Variants in XIRP2 observed in about 807,000 individuals in gnomAD.
XIRP2 encodes xin actin-binding repeat-containing protein 2.
A neutral mutation model predicts 277.0 loss-of-function variants in XIRP2; 236 were observed. The observed-to-expected ratio is 0.85, with a 90% CI of 0.77 to 0.95. XIRP2 has a LOEUF of 0.95. Ranked by LOEUF, XIRP2 falls within the 40% of genes least tolerant of loss-of-function variation. The probability of loss-of-function intolerance (pLI) is 0.00; values close to 1 mark genes in which losing one functional copy is unlikely to be tolerated. For synonymous variants in XIRP2, 1,490 were observed against 1,416.5 expected, an observed-to-expected ratio of 1.05 and a Z score of -1.17; for missense variants, 4,640 against 4,157.5, an observed-to-expected ratio of 1.12 and a Z score of -3.19.
intron 2 of XIRP2, among the ~76,000 whole-genome samples, chr2:167,086,233 T>G (rs1198757715): frequency 3.3e-5 from 5 of 152,182 alleles, no homozygotes; most frequent in African/African-American, 1.2e-4. Flanking sequence ...AAATTCTGGG[T>G]TGAAAATTCT....
chr2:166,894,592 C>G (rs1008804375), intron 1 of XIRP2, among the ~76,000 whole-genome samples: 4 of 152,050 alleles, frequency 2.6e-5, no homozygotes, highest in African/African-American at 9.7e-5. Context: ...AGTATTAATT[C>G]TAGTATGAGA....
intron 3 of XIRP2, among the ~76,000 whole-genome samples, chr2:167,145,590 T>A (rs893108551): frequency 2.0e-5 from 3 of 152,184 alleles, no homozygotes; most frequent in Non-Finnish European, 2.9e-5. Context: ...GAAAAGAGCA[T>A]GTTTCCAAAA....
intron 2 of XIRP2, among the ~76,000 whole-genome samples, chr2:167,123,644 C>T (rs1256458025): frequency 6.6e-6 from 1 of 152,134 alleles, no homozygotes; most frequent in African/African-American, 2.4e-5. Flanking sequence ...TGGCCTCCCT[C>T]TTGCTGCCTC....
intron 2 of XIRP2, among the ~76,000 whole-genome samples, chr2:167,096,416 G>C (rs1690319301): frequency 6.6e-6 from 1 of 151,916 alleles, no homozygotes; most frequent in South Asian, 2.1e-4. Flanking sequence ...ATTTTTTATT[G>C]TGTCTATTTG....
intron 5 of XIRP2, among the ~76,000 whole-genome samples, chr2:167,238,085 A>G (rs950738744): frequency 3.3e-5 from 5 of 152,228 alleles, no homozygotes; most frequent in African/African-American, 1.2e-4. Flanking sequence ...TCATTGTTCT[A>G]TCCTCAGTTT....
intron 2 of XIRP2, among the ~76,000 whole-genome samples, chr2:167,127,232 A>C (rs1286135291): frequency 6.6e-6 from 1 of 152,194 alleles, no homozygotes; most frequent in Admixed American, 6.6e-5. Flanking sequence ...ATAGTTGTGC[A>C]GGTTTAAAGC....
At chr2:167,130,485 T>G (rs1182397272) in intron 2 of XIRP2, among the ~76,000 whole-genome samples, 2 of 152,090 alleles carry the variant, frequency 1.3e-5, no homozygotes, top group Non-Finnish European at 2.9e-5. Flanking sequence ...TGGTCACCGC[T>G]GGATCCTAAC....
At chr2:167,148,454 G>T (rs558072040) in intron 3 of XIRP2, among the ~76,000 whole-genome samples, 16 of 127,124 alleles carry the variant, frequency 1.3e-4, no homozygotes, top group African/African-American at 4.7e-4. Flanking sequence ...AAAAAAGAAA[G>T]CAAGCAGGAA....
At chr2:167,108,256 A>G (rs1313614019) in intron 2 of XIRP2, among the ~76,000 whole-genome samples, 1 of 151,734 alleles carries the variant, frequency 6.6e-6, no homozygotes, top group Non-Finnish European at 1.5e-5. Context: ...TTACCCTGCT[A>G]GAGTTTTGTC....
chr2:167,184,205 C>T (rs950045540), intron 3 of XIRP2, among the ~76,000 whole-genome samples: 1 of 152,172 alleles, frequency 6.6e-6, no homozygotes, highest in Non-Finnish European at 1.5e-5. Flanking sequence ...ATTTCTCAGC[C>T]TCCAGCTAAA....
chr2:166,910,978 C>G (rs1160398747), intron 2 of XIRP2, among the ~76,000 whole-genome samples: 1 of 152,136 alleles, frequency 6.6e-6, no homozygotes, highest in Non-Finnish European at 1.5e-5. Context: ...GTCTGAGAGA[C>G]AGGTGGTTAT....
At chr2:166,909,772 T>C (rs1175502902) in intron 2 of XIRP2, among the ~76,000 whole-genome samples, 2 of 152,204 alleles carry the variant, frequency 1.3e-5, no homozygotes, top group African/African-American at 4.8e-5. Flanking sequence ...ATAGCTCTTA[T>C]TATTTTGAGA....
At chr2:167,037,630 G>A (rs935768199) in intron 2 of XIRP2, among the ~76,000 whole-genome samples, 1 of 151,272 alleles carries the variant, frequency 6.6e-6, no homozygotes, top group Non-Finnish European at 1.5e-5. Context: ...TATTTTGGAT[G>A]TACACCCTGA....
chr2:167,085,830 G>C (rs1223487519), intron 2 of XIRP2, among the ~76,000 whole-genome samples: 1 of 152,136 alleles, frequency 6.6e-6, no homozygotes, highest in Non-Finnish European at 1.5e-5. Context: ...TTGAGCCTAT[G>C]TGTGTCTCTG....
intron 7 of XIRP2, among the ~76,000 whole-genome samples, chr2:167,241,426 CCAA>C (rs1458497467): frequency 6.6e-6 from 1 of 152,096 alleles, no homozygotes; most frequent in Non-Finnish European, 1.5e-5. Context: ...CCAGAGATAA[CCAA>C]CATTTTTCTT....
At chr2:167,041,815 G>A (rs1322323834) in intron 2 of XIRP2, among the ~76,000 whole-genome samples, 2 of 152,034 alleles carry the variant, frequency 1.3e-5, no homozygotes, top group African/African-American at 4.8e-5. Context: ...ATTAGAGAGG[G>A]TGACATGCAA....
chr2:167,041,655 A>G (rs956456934), intron 2 of XIRP2, among the ~76,000 whole-genome samples: 1 of 152,130 alleles, frequency 6.6e-6, no homozygotes, highest in Non-Finnish European at 1.5e-5. Context: ...AATGAACACA[A>G]TTTCCAAGAA....
At chr2:167,215,500 C>G (rs1376245542) in intron 4 of XIRP2, among the ~76,000 whole-genome samples, 1 of 152,094 alleles carries the variant, frequency 6.6e-6, no homozygotes, top group Non-Finnish European at 1.5e-5. Flanking sequence ...ACCCAAACCC[C>G]AAGATAGGCA....
chr2:167,060,847 G>A (rs1689156969), intron 2 of XIRP2, among the ~76,000 whole-genome samples: 1 of 151,906 alleles, frequency 6.6e-6, no homozygotes, highest in South Asian at 2.1e-4. Context: ...TTTTGCCTTG[G>A]TTTCTACATT....
Sources: gnomAD v4.1 joint callset for allele counts (sites outside exome capture counted in the v4.1 genomes callset) on GRCh38, gnomAD v4.1.1 for gene constraint, MANE v1.5 for transcripts, NCBI Gene and HGNC (gene_info 2026-07-23, HGNC 2026-07-21) for gene names.